CFLAR: variants seen among roughly 807,000 people sequenced by gnomAD.
The protein encoded by CFLAR is CASP8 and FADD-like apoptosis regulator.
In CFLAR, 14 loss-of-function variants were observed where a neutral mutation model predicts 51.1. That is an observed-to-expected ratio of 0.27 (90% CI 0.18 to 0.43). The LOEUF (loss-of-function observed/expected upper bound fraction) is 0.43. Ranked by LOEUF, CFLAR falls within the 20% of genes least tolerant of loss-of-function variation. The pLI is 1.00. For synonymous variants in CFLAR, 210 were observed against 211.6 expected (o/e 0.99, Z 0.06); for missense variants, 390 against 566.5 (o/e 0.69, Z 3.16).
chr2:201,123,622 C>T (rs1454021710), intron 1 of CFLAR, among the ~76,000 whole-genome samples: 5 of 152,212 alleles, frequency 3.3e-5, no homozygotes, highest in Non-Finnish European at 4.4e-5. Flanking sequence ...ACTTCTTAAT[C>T]CTATCATATT....
intron 2 of CFLAR, among the ~76,000 whole-genome samples, chr2:201,130,448 GC>G (rs1384786073): frequency 7.7e-6 from 1 of 129,192 alleles, no homozygotes; most frequent in African/African-American, 3.0e-5. Flanking sequence ...TGCAACCTCC[GC>G]CTTCTGGGTT....
chr2:201,130,634 G>A (rs943850911), intron 2 of CFLAR, among the ~76,000 whole-genome samples: 7 of 152,020 alleles, frequency 4.6e-5, no homozygotes, highest in African/African-American at 1.7e-4. Context: ...CCAAAATGCT[G>A]GGATAACAGG....
Position 201,175,376 on chromosome 2 carries a change from G to A in CFLAR, c.*11403G>A, listed in dbSNP as rs1451767785. ...CAGTGGCTCATGCCTGTAATCCCAG[G>A]ACTTTGGGAGGCTGAGGATGGTGGA... On this transcript the variant is annotated 3_prime_UTR_variant, in exon 10 of 10. Coordinates refer to ENST00000309955, the MANE Select transcript of CFLAR (RefSeq NM_003879.7). 6.6e-6 allele frequency: 1 copy of A among 151,274 alleles called. No homozygotes were observed. Among genetic ancestry groups the A allele is most frequent in the Non-Finnish European group, 1.5e-5 (1 of 67,830 alleles). 9.4% of individuals were successfully genotyped at this position (151,274 alleles called of 1,614,324 possible).
At chr2:201,136,465 A>G in intron 4 of CFLAR, 1 of 1,596,456 alleles carries the variant, frequency 6.3e-7, no homozygotes, top group Non-Finnish European at 8.5e-7. Flanking sequence ...CCTCACAACC[A>G]CTGTCCAACT....
rs1311193307 is a variant in CFLAR at position 201,176,296 on chromosome 2, G to A, written c.*12323G>A. On this transcript the variant is annotated 3_prime_UTR_variant, in exon 10 of 10. Transcript: ENST00000309955. Reference sequence around the variant, plus strand: ...TCTATTGCGGGGGGGGGGGGCGGGCGGGGGAGCTGCCTGTCCCTGGCACCA... The same window carrying A: ...TCTATTGCGGGGGGGGGGGGCGGGCAGGGGAGCTGCCTGTCCCTGGCACCA... 2 of 89,926 alleles carry A rather than the reference G, an allele frequency of 2.2e-5. No homozygotes were observed. Among genetic ancestry groups the A allele is most frequent in the African/African-American group, 4.3e-5 (1 of 23,366 alleles). The allele number at this position is 89,926 out of a possible 1,614,324, so 5.6% of individuals were successfully genotyped here. A position where few individuals can be genotyped will look rare whatever the true frequency, so the allele number is the denominator to read the frequency against.
rs1559285464 is a variant in CFLAR at position 201,174,530 on chromosome 2, CTTT to C, written c.*10558_*10560del. ...GGAATCCAGAAATGTAGTCCTCTAA[CTTT>C]GTTGTTGTTGTTGTTCTTCTTTTTT... On this transcript the variant is annotated 3_prime_UTR_variant, in exon 10 of 10. Transcript: ENST00000309955. 1 of 152,088 alleles carries C rather than the reference CTTT, an allele frequency of 6.6e-6. No homozygotes were observed. The highest frequency in any genetic ancestry group is 1.9e-4 in the East Asian group (1 of 5,192). The allele number at this position is 152,088 out of a possible 1,614,324, so 9.4% of individuals were successfully genotyped here. A position where few individuals can be genotyped will look rare whatever the true frequency, so the allele number is the denominator to read the frequency against.
chr2:201,130,752 C>G lies in CFLAR; in HGVS notation c.281+606C>G, dbSNP rs79511585. Among the ~76,000 whole-genome samples, 1,248 of 152,196 alleles carry G rather than the reference C, an allele frequency of 8.2e-3. 13 individuals are homozygous for G. The highest frequency in any genetic ancestry group is 0.012 in the Non-Finnish European group (793 of 68,020). Reference sequence around the variant, plus strand: ...TTGCCTGAAGGATAGAATGACAAGACGTGAAGAAAGATAGGAATGACTAAG... The same window carrying G: ...TTGCCTGAAGGATAGAATGACAAGAGGTGAAGAAAGATAGGAATGACTAAG... On this transcript the variant is annotated intron_variant, in intron 2 of 9. Coordinates refer to ENST00000309955, the MANE Select transcript of CFLAR (RefSeq NM_003879.7).
intron 1 of CFLAR, among the ~76,000 whole-genome samples, chr2:201,120,023 C>CTTT (rs34076189): frequency 5.3e-5 from 6 of 112,352 alleles, no homozygotes; most frequent in African/African-American, 7.4e-5. Flanking sequence ...CTTTTCTTTT[C>CTTT]TTTTTTTTTT....
chr2:201,144,784 A>G (rs1424620366), intron 5 of CFLAR, among the ~76,000 whole-genome samples: 1 of 152,152 alleles, frequency 6.6e-6, no homozygotes, highest in East Asian at 1.9e-4. Context: ...ATACTGTAAC[A>G]TCAGATTTTA....
rs1460252660 is a variant in CFLAR, at chr2:201,169,882, T to TG, written c.*5910dup. 3.3e-5 allele frequency: 5 copies of TG among 152,028 alleles called. No homozygotes were observed. Among genetic ancestry groups the TG allele is most frequent in the African/African-American group, 1.2e-4 (5 of 41,356 alleles). 9.4% of individuals were successfully genotyped at this position (152,028 alleles called of 1,614,324 possible). ...TCAACCTTACTGATCATTAGAGAAA[T>TG]GCAAAGGAGAACCACAATGAGATAC... is the stretch of plus-strand genomic sequence containing the variant. On this transcript the variant is annotated 3_prime_UTR_variant, in exon 10 of 10. Transcript: ENST00000309955.
In CFLAR at chr2:201,169,229, AG is replaced by A. The variant is rs909857410; in HGVS notation, c.*5257del. On this transcript the variant is annotated 3_prime_UTR_variant, in exon 10 of 10. Transcript: ENST00000309955. ...TCAAAGTATACTGCAAGGCTACAGT[AG>A]CCAAAATGGCATGGTACTGGTACAA... 1 of 152,242 alleles carries A rather than the reference AG, an allele frequency of 6.6e-6. No individual in the cohort carries two copies. The highest frequency in any genetic ancestry group is 1.5e-5 in the Non-Finnish European group (1 of 68,044). 9.4% of individuals were successfully genotyped at this position (152,242 alleles called of 1,614,324 possible).
rs978969583 is a variant in CFLAR at position 201,135,958 on chromosome 2, G to C, written c.388-14G>C. On this transcript the variant is annotated splice_polypyrimidine_tract_variant and intron_variant, in intron 3 of 9. Transcript: ENST00000309955. ...GCTCTATTGACATTTGTTTTTTGTT[G>C]GTGGTTCTCTTAGAGTTTCTTGGAC... is the stretch of plus-strand genomic sequence containing the variant. The C allele has an allele frequency of 6.2e-7, 1 of 1,601,576 alleles. No homozygotes were observed. Among genetic ancestry groups the C allele is most frequent in the African/African-American group, 1.4e-5 (1 of 73,898 alleles).
In CFLAR at chr2:201,155,232, A is replaced by G. The variant is rs1941955795; in HGVS notation, c.794-5200A>G. Reference sequence around the variant, plus strand: ...GTTGTTTTTAAGGCCCTTGAATAAAAATAAAAGACGATGTTTGCAGATTTT... The same window carrying G: ...GTTGTTTTTAAGGCCCTTGAATAAAGATAAAAGACGATGTTTGCAGATTTT... On this transcript the variant is annotated intron_variant, in intron 8 of 9. Coordinates refer to ENST00000309955, the MANE Select transcript of CFLAR (RefSeq NM_003879.7). Among the ~76,000 whole-genome samples the G allele has an allele frequency of 2.6e-5, 4 of 152,190 alleles. No homozygotes were observed. The South Asian group carries it at 8.3e-4, about 32-fold the overall frequency.
At chr2:201,152,387 G>A (rs1941426403) in intron 8 of CFLAR, among the ~76,000 whole-genome samples, 1 of 152,092 alleles carries the variant, frequency 6.6e-6, no homozygotes, top group South Asian at 2.1e-4. Context: ...TCTGTAAAGT[G>A]GGTTAATAAC....
In CFLAR at chr2:201,118,178, C is replaced by T. The variant is rs111841332; in HGVS notation, c.-138+1697C>T. Among the ~76,000 whole-genome samples the T allele has an allele frequency of 6.6e-6, 1 of 152,164 alleles. No individual in the cohort carries two copies. The stretch of plus-strand genomic sequence containing the variant: ...TTACTTAAGCTTTTGGGTCAAATGT[C>T]CTCGTTAAAATGGCTTTCTCTAGCG... On this transcript the variant is annotated intron_variant, in intron 1 of 9. Transcript: ENST00000309955. This position sits in a 1 kb window ranked among gnomAD's most constrained non-coding sequence, Gnocchi z 5.1.
At position 201,160,649 on chromosome 2, in the gene CFLAR, G is replaced by A. The variant is rs1227050861; in HGVS notation, c.1011G>A (p.Arg337=). The part of the protein sequence containing the change: ...THSGLPLHHI[R]RMFMGDSCPY... ...CAGGGCTCCCCCTGCATCACATCAG[G>A]AGGATGTTCATGGGAGATTCATGCC... Residue 337 remains arginine, a synonymous_variant, in exon 9 of 10, where the codon AGG becomes AGA. Transcript: ENST00000309955. 3 of 1,614,134 alleles carry A rather than the reference G, an allele frequency of 1.9e-6. No individual in the cohort carries two copies. The highest frequency in any genetic ancestry group is 1.7e-5 in the Admixed American group (1 of 60,014).
At position 201,118,316 on chromosome 2, in the gene CFLAR, T is replaced by C. The variant is rs551829723; in HGVS notation, c.-138+1835T>C. 2.4e-3 allele frequency among the ~76,000 whole-genome samples: 367 copies of C among 152,296 alleles called. 3 individuals carry two copies. Among genetic ancestry groups the C allele is most frequent in the African/African-American group, 8.5e-3 (354 of 41,568 alleles). On this transcript the variant is annotated intron_variant, in intron 1 of 9. Coordinates refer to ENST00000309955, the MANE Select transcript of CFLAR (RefSeq NM_003879.7). The surrounding 1 kb of genome is among the most constrained non-coding windows in gnomAD (Gnocchi z 5.1). ...TGAAGCCATTTGCAGGGTCGCTGGGTTTCCCCCTCCCCCCGAAAGTCTTGC... is the reference window on the plus strand; with the variant it reads ...TGAAGCCATTTGCAGGGTCGCTGGGCTTCCCCCTCCCCCCGAAAGTCTTGC...
rs1439927330 is a variant in CFLAR, at chr2:201,171,175, T to C, written c.*7202T>C. 6.6e-6 allele frequency: 1 copy of C among 152,146 alleles called. No individual in the cohort carries two copies. Among genetic ancestry groups the C allele is most frequent in the Non-Finnish European group, 1.5e-5 (1 of 68,026 alleles). The allele number at this position is 152,146 out of a possible 1,614,324, so 9.4% of individuals were successfully genotyped here. On this transcript the variant is annotated 3_prime_UTR_variant, in exon 10 of 10. Coordinates refer to ENST00000309955, the MANE Select transcript of CFLAR (RefSeq NM_003879.7). ...GAAAGGGTGGGAGGGGGGTGAAGGA[T>C]AAAAGAATACAAATTGGGTTCAGTG...
chr2:201,155,539 C>T (rs188388374), intron 8 of CFLAR, among the ~76,000 whole-genome samples: 23 of 152,116 alleles, frequency 1.5e-4, no homozygotes, highest in African/African-American at 4.6e-4. Flanking sequence ...GCTGGGATCA[C>T]GGGGATGAGC....
Sources: allele counts gnomAD v4.1 joint callset (sites outside exome capture counted in the v4.1 genomes callset), GRCh38; gene constraint gnomAD v4.1.1; non-coding constraint Gnocchi (gnomAD v3.1); transcripts MANE v1.5; gene names NCBI Gene and HGNC (gene_info 2026-07-23, HGNC 2026-07-21).